Variants in SLC39A11 observed in about 807,000 individuals in gnomAD.
SLC39A11 encodes solute carrier family 39 member 11.
In SLC39A11, 33 loss-of-function variants were observed where a neutral mutation model predicts 36.1. The observed-to-expected ratio is 0.91, with a 90% CI of 0.69 to 1.22. The LOEUF is 1.22. Ranked by LOEUF, SLC39A11 falls within the 50% of genes most tolerant of loss-of-function variation. The probability of loss-of-function intolerance (pLI) is 0.00; values close to 1 mark genes in which losing one functional copy is unlikely to be tolerated. For synonymous variants in SLC39A11, 166 were observed against 170.3 expected, an observed-to-expected ratio of 0.97 and a Z score of 0.20; for missense variants, 432 against 430.3, an observed-to-expected ratio of 1.00 and a Z score of -0.03.
chr17:72,979,074 G>A (rs756780581), intron 4 of SLC39A11, among the ~76,000 whole-genome samples: 8 of 152,128 alleles, frequency 5.3e-5, no homozygotes, highest in African/African-American at 7.2e-5. Flanking sequence ...GAGAGACCAC[G>A]CGGAGGCAAC....
At chr17:72,854,247 T>C (rs2079521443) in intron 5 of SLC39A11, among the ~76,000 whole-genome samples, 1 of 150,238 alleles carries the variant, frequency 6.7e-6, no homozygotes, top group East Asian at 2.0e-4. Flanking sequence ...AGGAGTCGAC[T>C]CAGCATCTTT....
intron 7 of SLC39A11, among the ~76,000 whole-genome samples, chr17:72,724,451 G>C (rs918001385): frequency 3.3e-5 from 5 of 152,128 alleles, no homozygotes; most frequent in South Asian, 2.1e-4. Context: ...GAAAGCGGTG[G>C]GGGGGAGTGA....
intron 1 of SLC39A11, among the ~76,000 whole-genome samples, chr17:73,091,377 G>C (rs181409477): frequency 6.6e-6 from 1 of 152,188 alleles, no homozygotes; most frequent in Admixed American, 6.5e-5. Context: ...CCGGGAGGCG[G>C]AGGTTGCAGT....
At chr17:73,035,269 G>A (rs1264855050) in intron 3 of SLC39A11, among the ~76,000 whole-genome samples, 1 of 152,098 alleles carries the variant, frequency 6.6e-6, no homozygotes, top group Non-Finnish European at 1.5e-5. Flanking sequence ...GCTTCCCAAG[G>A]AGCTGGGATT....
chr17:73,072,939 G>A (rs1419441786), intron 3 of SLC39A11, among the ~76,000 whole-genome samples: 1 of 152,254 alleles, frequency 6.6e-6, no homozygotes, highest in Non-Finnish European at 1.5e-5. Flanking sequence ...CAGCACTTTG[G>A]GAGGCCAAGG....
At chr17:73,043,701 A>G (rs1157215580) in intron 3 of SLC39A11, among the ~76,000 whole-genome samples, 4 of 152,232 alleles carry the variant, frequency 2.6e-5, no homozygotes, top group Non-Finnish European at 5.9e-5. Context: ...GCAGGAGACC[A>G]GAGAGCAGAC....
chr17:72,745,897 C>T (rs143007403), intron 6 of SLC39A11, among the ~76,000 whole-genome samples: 24 of 152,282 alleles, frequency 1.6e-4, no homozygotes, highest in African/African-American at 5.1e-4. Flanking sequence ...CAGCCACTAC[C>T]ACCACCAACA....
At chr17:73,004,202 A>G (rs1258234243) in intron 4 of SLC39A11, among the ~76,000 whole-genome samples, 2 of 125,052 alleles carry the variant, frequency 1.6e-5, no homozygotes, top group East Asian at 3.0e-4. Context: ...AAAGAAAGAA[A>G]GAAAGAAAGA....
intron 5 of SLC39A11, among the ~76,000 whole-genome samples, chr17:72,885,265 C>T (rs4969119): frequency 0.52 from 79,248 of 152,072 alleles, 22,589 homozygotes; most frequent in African/African-American, 0.75. Flanking sequence ...GGAACGTCAA[C>T]GCTTTCTGCA....
chr17:72,831,201 AAT>A (rs2078271583), intron 6 of SLC39A11, among the ~76,000 whole-genome samples: 1 of 152,076 alleles, frequency 6.6e-6, no homozygotes, highest in African/African-American at 2.4e-5. Flanking sequence ...AATTTCTGAG[AAT>A]ATAGAGAAGA....
chr17:72,855,177 G>A (rs959427221), intron 5 of SLC39A11, among the ~76,000 whole-genome samples: 12 of 152,290 alleles, frequency 7.9e-5, no homozygotes, highest in African/African-American at 2.9e-4. Context: ...AATAATTGTC[G>A]GGTCCTTATG....
At chr17:72,963,609 G>C (rs1199861364) in intron 4 of SLC39A11, among the ~76,000 whole-genome samples, 1 of 152,142 alleles carries the variant, frequency 6.6e-6, no homozygotes, top group African/African-American at 2.4e-5. Context: ...ACTAATTCTG[G>C]AGCCATGTGT....
intron 4 of SLC39A11, among the ~76,000 whole-genome samples, chr17:72,960,582 A>G (rs527241272): frequency 1.3e-5 from 2 of 152,244 alleles, no homozygotes; most frequent in Non-Finnish European, 2.9e-5. Context: ...CCTTGACCCC[A>G]CGAGTTTGAG....
Position 72,820,960 on chromosome 17 carries a change from T to TTTTTTGTTTTTG in SLC39A11, c.601+28662_601+28673dup, listed in dbSNP as rs139670069. ...TTGGAATGTCTGCCGTATTATAAGG[T>TTTTTTGTTTTTG]TTTTTGTTTTTGTTTTTGTTTTTGT... On this transcript the variant is annotated intron_variant, in intron 6 of 9. Coordinates refer to ENST00000255559, the MANE Select transcript of SLC39A11 (RefSeq NM_139177.4). 1.5e-4 allele frequency among the ~76,000 whole-genome samples: 22 copies of TTTTTTGTTTTTG among 150,208 alleles called. No homozygotes were observed. In the South Asian group the frequency reaches 3.8e-3, roughly 26 times the overall value.
intron 6 of SLC39A11, among the ~76,000 whole-genome samples, chr17:72,759,350 C>T (rs1272863739): frequency 1.3e-5 from 2 of 152,042 alleles, no homozygotes; most frequent in East Asian, 1.9e-4. Flanking sequence ...CAAGAGAAAC[C>T]AGGGTGGATT....
chr17:72,914,179 G>A (rs1325667969), intron 5 of SLC39A11, among the ~76,000 whole-genome samples: 3 of 151,866 alleles, frequency 2.0e-5, no homozygotes, highest in Non-Finnish European at 4.4e-5. Flanking sequence ...AGCCAGGCAC[G>A]GTGGCGGGCA....
intron 7 of SLC39A11, among the ~76,000 whole-genome samples, chr17:72,652,465 T>G (rs534278053): frequency 1.3e-5 from 2 of 152,194 alleles, no homozygotes; most frequent in African/African-American, 4.8e-5. Context: ...GCGTTGCTGA[T>G]ATGATTACCT....
rs553153880 is a variant in SLC39A11, at chr17:72,880,712, C to T, written c.431-30908G>A. Among the ~76,000 whole-genome samples the T allele has an allele frequency of 5.9e-5, 9 of 151,414 alleles. No homozygotes were observed. In the South Asian group the frequency reaches 6.3e-4, roughly 11 times the overall value. On this transcript the variant is annotated intron_variant, in intron 5 of 9. Coordinates refer to ENST00000255559, the MANE Select transcript of SLC39A11 (RefSeq NM_139177.4). ...TTTTTTTCTTTTTCAGACAGAGTCT[C>T]GCTCTGTCACCCAGGCTGGAGTGCA... is the stretch of plus-strand genomic sequence containing the variant.
chr17:72,732,630 T>A (rs1430196023), intron 7 of SLC39A11, among the ~76,000 whole-genome samples: 1 of 152,228 alleles, frequency 6.6e-6, no homozygotes, highest in Admixed American at 6.5e-5. Context: ...CGCAGCGGCA[T>A]GTTTCCCTCT....
Sources: allele counts gnomAD v4.1 joint callset (sites outside exome capture counted in the v4.1 genomes callset), GRCh38; gene constraint gnomAD v4.1.1; transcripts MANE v1.5; gene names NCBI Gene and HGNC (gene_info 2026-07-23, HGNC 2026-07-21).